The following LSAMP variants were observed in gnomAD, a reference collection of about 807,000 sequenced individuals.
The protein encoded by LSAMP is limbic system associated membrane protein, also known as limbic system-associated membrane protein.
LSAMP carries 7 observed loss-of-function variants against 38.6 expected under a neutral mutation model. The ratio of observed to expected loss-of-function variants is 0.18; its 90% CI spans 0.10 to 0.34. The LOEUF is 0.34. Among genes scored for constraint, LSAMP ranks in the 10% least tolerant of loss-of-function variants. The pLI, the probability that LSAMP is intolerant of heterozygous loss-of-function variation, is 1.00. For missense variants in LSAMP, 313 were observed against 420.0 expected, an observed-to-expected ratio of 0.75 and a Z score of 2.23; for synonymous variants, 154 against 166.8, an observed-to-expected ratio of 0.92 and a Z score of 0.59.
intron 1 of LSAMP, among the ~76,000 whole-genome samples, chr3:116,301,214 AC>A (rs1161908535): frequency 6.6e-6 from 1 of 152,130 alleles, no homozygotes; most frequent in Non-Finnish European, 1.5e-5. Flanking sequence ...AAAAAGCTAC[AC>A]CCGTATGTCT....
intron 3 of LSAMP, among the ~76,000 whole-genome samples, chr3:115,907,437 A>T (rs1000891573): frequency 6.6e-6 from 1 of 151,788 alleles, no homozygotes; most frequent in Non-Finnish European, 1.5e-5. Context: ...TGAAGCAGAG[A>T]GTGGGCCTGC....
At chr3:116,444,348 A>ATG (rs143050946) in intron 1 of LSAMP, among the ~76,000 whole-genome samples, 31,711 of 143,452 alleles carry the variant, frequency 0.22, 3,504 homozygotes, top group African/African-American at 0.29. Context: ...CAACCTTGAT[A>ATG]TGTGTGTGTG....
At chr3:116,303,426 G>C (rs1379813569) in intron 1 of LSAMP, among the ~76,000 whole-genome samples, 1 of 152,082 alleles carries the variant, frequency 6.6e-6, no homozygotes, top group Admixed American at 6.6e-5. Context: ...CAGAAATGTT[G>C]GCATATAGGC....
chr3:116,076,412 C>CA (rs1707744545), intron 2 of LSAMP, among the ~76,000 whole-genome samples: 1 of 152,124 alleles, frequency 6.6e-6, no homozygotes, highest in Admixed American at 6.5e-5. Flanking sequence ...AGCCCGCCAC[C>CA]ACGCCCAGCT....
At chr3:116,046,581 T>G (rs1941293321) in intron 2 of LSAMP, among the ~76,000 whole-genome samples, 1 of 152,150 alleles carries the variant, frequency 6.6e-6, no homozygotes, top group Non-Finnish European at 1.5e-5. Flanking sequence ...AAGGCCCTGG[T>G]TTTGGAGGCT....
intron 2 of LSAMP, among the ~76,000 whole-genome samples, chr3:116,055,475 G>T (rs954683286): frequency 1.3e-5 from 2 of 152,126 alleles, no homozygotes; most frequent in Non-Finnish European, 2.9e-5. Context: ...TTAGAATGAC[G>T]TAGGTAAGTT....
chr3:116,184,923 C>A (rs1338460883), intron 1 of LSAMP, among the ~76,000 whole-genome samples: 2 of 151,564 alleles, frequency 1.3e-5, no homozygotes, highest in East Asian at 1.9e-4. Context: ...ATTCCATGAT[C>A]TGTTTGATTC....
At chr3:116,253,707 C>A (rs186248116) in intron 1 of LSAMP, among the ~76,000 whole-genome samples, 10 of 152,104 alleles carry the variant, frequency 6.6e-5, no homozygotes, top group Admixed American at 6.6e-4. Context: ...TTCAGTGAAC[C>A]CAGAAGTTTT....
At chr3:116,046,069 T>C (rs1162956557) in intron 2 of LSAMP, among the ~76,000 whole-genome samples, 1 of 152,212 alleles carries the variant, frequency 6.6e-6, no homozygotes, top group Non-Finnish European at 1.5e-5. Context: ...AAAGTAGGCA[T>C]GTTAGCTAAT....
intron 3 of LSAMP, among the ~76,000 whole-genome samples, chr3:115,983,787 C>T (rs1306360619): frequency 6.6e-6 from 1 of 152,136 alleles, no homozygotes; most frequent in Non-Finnish European, 1.5e-5. Context: ...TGGCTCCTTA[C>T]ACTGGGGCCT....
intron 3 of LSAMP, among the ~76,000 whole-genome samples, chr3:115,985,630 T>C (rs2062680307): frequency 6.6e-6 from 1 of 152,220 alleles, no homozygotes; most frequent in East Asian, 1.9e-4. Flanking sequence ...GCTTTGGTTT[T>C]GGCTGTTGTT....
chr3:116,206,420 T>C (rs2107600034), intron 1 of LSAMP, among the ~76,000 whole-genome samples: 1 of 149,980 alleles, frequency 6.7e-6, no homozygotes, highest in East Asian at 2.0e-4. Context: ...CTGCTCTGAT[T>C]TTAGTTATTT....
At position 116,144,182 on chromosome 3, in the gene LSAMP, A is replaced by G. The variant is rs551856965; in HGVS notation, c.156-57626T>C. 3.9e-5 allele frequency among the ~76,000 whole-genome samples: 6 copies of G among 152,034 alleles called. No homozygotes were observed. The South Asian group carries it at 8.3e-4, about 21-fold the overall frequency. On this transcript the variant is annotated intron_variant, in intron 1 of 6. Coordinates refer to ENST00000490035, the MANE Select transcript of LSAMP (RefSeq NM_002338.5). ...TCTTGAAAAGAATATATATTTTCCAATTGCTTTGTGCAGGGCTTTATATAT... is the reference window on the plus strand; with the variant it reads ...TCTTGAAAAGAATATATATTTTCCAGTTGCTTTGTGCAGGGCTTTATATAT...
intron 3 of LSAMP, among the ~76,000 whole-genome samples, chr3:115,974,749 A>C (rs756611122): frequency 3.9e-5 from 6 of 152,184 alleles, no homozygotes; most frequent in Non-Finnish European, 8.8e-5. Flanking sequence ...TGGGAAGATA[A>C]GCTAGTAATA....
intron 1 of LSAMP, among the ~76,000 whole-genome samples, chr3:116,176,905 G>A (rs1710360154): frequency 6.6e-6 from 1 of 151,968 alleles, no homozygotes. Context: ...GTTAGTATTA[G>A]GTTTCTATAT....
chr3:116,051,936 T>C (rs560067716), intron 2 of LSAMP, among the ~76,000 whole-genome samples: 1 of 152,338 alleles, frequency 6.6e-6, no homozygotes, highest in South Asian at 2.1e-4. Context: ...CTTCAGAACT[T>C]CTTTGTATCC....
chr3:116,168,633 T>A (rs1262129884), intron 1 of LSAMP, among the ~76,000 whole-genome samples: 1 of 152,214 alleles, frequency 6.6e-6, no homozygotes, highest in Non-Finnish European at 1.5e-5. Flanking sequence ...TACCCCTGGC[T>A]ATGCAATAGG....
At chr3:115,877,971 T>C (rs922017481) in intron 3 of LSAMP, among the ~76,000 whole-genome samples, 1 of 152,122 alleles carries the variant, frequency 6.6e-6, no homozygotes, top group African/African-American at 2.4e-5. Context: ...TTTGACCTAC[T>C]ACAGTCAGGA....
intron 3 of LSAMP, among the ~76,000 whole-genome samples, chr3:115,931,833 A>G (rs565103100): frequency 8.5e-5 from 13 of 152,306 alleles, no homozygotes; most frequent in Admixed American, 7.9e-4. Context: ...AATGTTGAGT[A>G]ACTGTCTCCA....
Sources: gnomAD v4.1 joint callset for allele counts (sites outside exome capture counted in the v4.1 genomes callset) on GRCh38, gnomAD v4.1.1 for gene constraint, MANE v1.5 for transcripts, NCBI Gene and HGNC (gene_info 2026-07-23, HGNC 2026-07-21) for gene names.